The following TMOD1 variants were observed in gnomAD, a reference collection of about 807,000 sequenced individuals.
TMOD1 encodes tropomodulin 1.
A neutral mutation model predicts 40.6 loss-of-function variants in TMOD1; 17 were observed. The observed-to-expected ratio is 0.42, with a 90% confidence interval of 0.29 to 0.63. The LOEUF (loss-of-function observed/expected upper bound fraction) is 0.63, where lower values mean the gene tolerates loss of function less well. TMOD1 is among the 20% of genes least tolerant of loss of function. The pLI is 0.22. For synonymous variants in TMOD1, 181 were observed against 175.0 expected, an observed-to-expected ratio of 1.03 and a Z score of -0.27; for missense variants, 391 against 447.6, an observed-to-expected ratio of 0.87 and a Z score of 1.14.
At chr9:97,540,161 A>G (rs1459423920) in intron 2 of TMOD1, among the ~76,000 whole-genome samples, 1 of 152,128 alleles carries the variant, frequency 6.6e-6, no homozygotes, top group African/African-American at 2.4e-5. Context: ...CAACCTTCCC[A>G]GCTGTATTAA....
chr9:97,601,470 G>A lies in TMOD1; in HGVS notation c.*1772G>A. 1 of 1,000,128 alleles carries A rather than the reference G, an allele frequency of 1.0e-6. No homozygotes were observed. Among genetic ancestry groups the A allele is most frequent in the Non-Finnish European group, 1.2e-6 (1 of 838,598 alleles). The allele number at this position is 1,000,128 out of a possible 1,614,324, so 62.0% of individuals were successfully genotyped here. On this transcript the variant is annotated 3_prime_UTR_variant, in exon 10 of 10. Coordinates refer to ENST00000259365, the MANE Select transcript of TMOD1 (RefSeq NM_003275.4). ...TAAAAGCTCAGAGAGTAAGTGCTGG[G>A]GAAAGCAGAGCTATCAGAGGAAATC...
intron 2 of TMOD1, among the ~76,000 whole-genome samples, chr9:97,544,753 A>T (rs886976168): frequency 6.6e-6 from 1 of 152,074 alleles, no homozygotes; most frequent in African/African-American, 2.4e-5. Context: ...GGGAACGGTA[A>T]TCCCAGCACT....
At chr9:97,592,212 CA>C (rs1564001256) in intron 9 of TMOD1, among the ~76,000 whole-genome samples, 1 of 150,842 alleles carries the variant, frequency 6.6e-6, no homozygotes, top group African/African-American at 2.4e-5. Context: ...TGCTGGCTGC[CA>C]AAAAAGAATT....
At chr9:97,585,500 G>A (rs1295736493) in intron 8 of TMOD1, among the ~76,000 whole-genome samples, 3 of 149,066 alleles carry the variant, frequency 2.0e-5, no homozygotes, top group Non-Finnish European at 4.5e-5. Flanking sequence ...TGCTCTTCTC[G>A]AGGAGTATCT....
chr9:97,555,197 C>T (rs974786190), intron 4 of TMOD1, among the ~76,000 whole-genome samples: 1 of 152,232 alleles, frequency 6.6e-6, no homozygotes, highest in Non-Finnish European at 1.5e-5. Flanking sequence ...CACAGTAGAT[C>T]CTCCATTGAG....
chr9:97,546,085 G>T lies in TMOD1; in HGVS notation c.121-100G>T, dbSNP rs1324787353. The T allele has an allele frequency of 1.2e-5, 16 of 1,388,528 alleles. No individual in the cohort carries two copies. In the East Asian group the frequency reaches 2.8e-4, roughly 24 times the overall value. The allele number at this position is 1,388,528 out of a possible 1,614,324, so 86.0% of individuals were successfully genotyped here. A position where few individuals can be genotyped will look rare whatever the true frequency, so the allele number is the denominator to read the frequency against. On this transcript the variant is annotated intron_variant, in intron 2 of 9. Transcript: ENST00000259365. ...AGCTCTGAGGTCCCTTCTGTTCGATGATGAGTTTCTGGAGAAGTGCAAGTC... is the reference window on the plus strand; with the variant it reads ...AGCTCTGAGGTCCCTTCTGTTCGATTATGAGTTTCTGGAGAAGTGCAAGTC...
rs180935791 is a variant in TMOD1 at position 97,576,734 on chromosome 9, C to T, written c.870+7697C>T. On this transcript the variant is annotated intron_variant, in intron 8 of 9. Coordinates refer to ENST00000259365, the MANE Select transcript of TMOD1 (RefSeq NM_003275.4). Reference sequence around the variant, plus strand: ...CTGCAAGCTCCGCCTCCCAGGTTCACGCCATTCTCCTACCTCAGCCTCCCG... The same window carrying T: ...CTGCAAGCTCCGCCTCCCAGGTTCATGCCATTCTCCTACCTCAGCCTCCCG... Among the ~76,000 whole-genome samples, 52 of 151,984 alleles carry T rather than the reference C, an allele frequency of 3.4e-4. No individual in the cohort carries two copies. The South Asian group carries it at 6.6e-3, about 19-fold the overall frequency.
At chr9:97,570,808 C>A (rs1262424650) in intron 8 of TMOD1, among the ~76,000 whole-genome samples, 3 of 152,222 alleles carry the variant, frequency 2.0e-5, no homozygotes, top group African/African-American at 7.2e-5. Context: ...GAGCAAAATT[C>A]AACCCAGAAT....
At position 97,515,201 on chromosome 9, in the gene TMOD1, G is replaced by GAAA. The variant is rs71369514; in HGVS notation, c.-48-8929_-48-8927dup. The stretch of plus-strand genomic sequence containing the variant: ...AAAGTTTGTAAACTAAAACAAAAAT[G>GAAA]AAAAAAAAAAAAACAAACCACCATG... On this transcript the variant is annotated intron_variant, in intron 1 of 9. Coordinates refer to ENST00000259365, the MANE Select transcript of TMOD1 (RefSeq NM_003275.4). Among the ~76,000 whole-genome samples, 904 of 141,296 alleles carry GAAA rather than the reference G, an allele frequency of 6.4e-3. 7 individuals are homozygous for GAAA. Among genetic ancestry groups the GAAA allele is most frequent in the East Asian group, 0.019 (91 of 4,740 alleles). The allele number at this position is 141,296 out of a possible 152,430, so 92.7% of individuals were successfully genotyped here.
intron 3 of TMOD1, among the ~76,000 whole-genome samples, chr9:97,546,875 G>GCCAAGAT (rs1472388211): frequency 4.4e-5 from 6 of 136,586 alleles, no homozygotes; most frequent in Non-Finnish European, 7.6e-5. Context: ...GTTGCAGTGA[G>GCCAAGAT]CCAAGATCGC....
chr9:97,508,736 A>C (rs1829643509), intron 1 of TMOD1, among the ~76,000 whole-genome samples: 1 of 152,154 alleles, frequency 6.6e-6, no homozygotes, highest in Non-Finnish European at 1.5e-5. Context: ...ACTGGGTTAA[A>C]CAGGGTCCCC....
At chr9:97,580,423 A>G (rs1325280668) in intron 8 of TMOD1, among the ~76,000 whole-genome samples, 1 of 152,088 alleles carries the variant, frequency 6.6e-6, no homozygotes, top group Non-Finnish European at 1.5e-5. Flanking sequence ...TGGCCAACAT[A>G]GTGAAATCCC....
chr9:97,564,039 C>A lies in TMOD1; in HGVS notation c.489C>A (p.Ser163Arg). 1 of 1,613,710 alleles carries A rather than the reference C, an allele frequency of 6.2e-7. No homozygotes were observed. The highest frequency in any genetic ancestry group is 8.5e-7 in the Non-Finnish European group (1 of 1,179,882). ...CCTCCCTTTCATCGGTCACTCTAGG[C>A]GTGATTAAACCCACACAATACAAGC... ...SSIMNKEGLN[S>R]VIKPTQYKPV... Residue 163 changes from serine to arginine, a missense_variant and splice_region_variant, in exon 6 of 10, where the codon AGC becomes AGA. By Grantham distance (110) the Ser-to-Arg change is moderately radical (BLOSUM62 -1). Transcript: ENST00000259365.
chr9:97,514,236 T>A (rs1829760332), intron 1 of TMOD1, among the ~76,000 whole-genome samples: 2 of 72,410 alleles, frequency 2.8e-5, no homozygotes, highest in South Asian at 1.2e-3. Flanking sequence ...TAATGTTTTT[T>A]TTTTGGGGGG....
At position 97,546,173 on chromosome 9, in the gene TMOD1, C is replaced by A; in HGVS notation, c.121-12C>A. The stretch of plus-strand genomic sequence containing the variant: ...TTCTCTCTCTCCTGCCCCCCCACAA[C>A]CTCCAATGTAGAATGCACTGCTGCC... On this transcript the variant is annotated splice_polypyrimidine_tract_variant and intron_variant, in intron 2 of 9. Transcript: ENST00000259365. 2 of 1,598,436 alleles carry A rather than the reference C, an allele frequency of 1.3e-6. No individual in the cohort carries two copies. Among genetic ancestry groups the A allele is most frequent in the Non-Finnish European group, 8.5e-7 (1 of 1,174,992 alleles).
intron 4 of TMOD1, among the ~76,000 whole-genome samples, chr9:97,559,554 C>A (rs1830585305): frequency 6.6e-6 from 1 of 150,806 alleles, no homozygotes; most frequent in Admixed American, 6.6e-5. Context: ...TACTTGAGGG[C>A]AGGAGTTCAA....
At chr9:97,549,828 T>G (rs1563987583) in intron 3 of TMOD1, among the ~76,000 whole-genome samples, 1 of 152,120 alleles carries the variant, frequency 6.6e-6, no homozygotes, top group East Asian at 1.9e-4. Flanking sequence ...CTCCTAATCA[T>G]CTCCGTACCT....
At chr9:97,556,286 C>G (rs958153436) in intron 4 of TMOD1, among the ~76,000 whole-genome samples, 2 of 152,166 alleles carry the variant, frequency 1.3e-5, no homozygotes, top group Admixed American at 1.3e-4. Flanking sequence ...CAGCAGAAAA[C>G]AGGCTGGGTG....
At chr9:97,571,109 C>A (rs1830811118) in intron 8 of TMOD1, among the ~76,000 whole-genome samples, 1 of 152,234 alleles carries the variant, frequency 6.6e-6, no homozygotes, top group African/African-American at 2.4e-5. Context: ...GCAGGCTTGG[C>A]AGTGGCCCTG....
Sources: gnomAD v4.1 joint callset for allele counts (sites outside exome capture counted in the v4.1 genomes callset) on GRCh38, gnomAD v4.1.1 for gene constraint, MANE v1.5 for transcripts, NCBI Gene and HGNC (gene_info 2026-07-23, HGNC 2026-07-21) for gene names.